Variants in NDNF observed in about 807,000 individuals in gnomAD.
NDNF encodes the protein protein NDNF.
In NDNF, 16 loss-of-function variants were observed where a neutral mutation model predicts 42.0. That is an observed-to-expected ratio of 0.38 (90% confidence interval 0.26 to 0.58). The LOEUF is 0.58. Ranked by LOEUF, NDNF falls within the 20% of genes least tolerant of loss-of-function variation. NDNF has a pLI of 0.67. For synonymous variants in NDNF, 248 were observed against 251.7 expected (o/e 0.99, Z 0.14); for missense variants, 616 against 666.2 (o/e 0.92, Z 0.83).
intron 1 of NDNF, among the ~76,000 whole-genome samples, chr4:121,063,286 C>A (rs1201729503): frequency 1.3e-5 from 2 of 152,322 alleles, no homozygotes; most frequent in East Asian, 1.9e-4. Flanking sequence ...GTTTCAATAT[C>A]ATGGGTTATG....
intron 1 of NDNF, among the ~76,000 whole-genome samples, chr4:121,046,830 A>G (rs566938894): frequency 6.6e-6 from 1 of 152,352 alleles, no homozygotes; most frequent in South Asian, 2.1e-4. Context: ...GGTGTTCCCA[A>G]CAGGAAGCCC....
At chr4:121,062,295 A>G (rs1727426338) in intron 1 of NDNF, among the ~76,000 whole-genome samples, 1 of 152,256 alleles carries the variant, frequency 6.6e-6, no homozygotes, top group South Asian at 2.1e-4. Context: ...ATCTGAGGAC[A>G]TCAACATTGT....
At chr4:121,054,833 A>ATTT (rs1055004532) in intron 1 of NDNF, among the ~76,000 whole-genome samples, 2 of 152,156 alleles carry the variant, frequency 1.3e-5, no homozygotes, top group African/African-American at 4.8e-5. Context: ...GAAGGCCCCC[A>ATTT]TTGCCAACTT....
At chr4:121,050,930 G>A (rs1243270941) in intron 1 of NDNF, among the ~76,000 whole-genome samples, 1 of 152,100 alleles carries the variant, frequency 6.6e-6, no homozygotes, top group Non-Finnish European at 1.5e-5. Context: ...TAACCATATA[G>A]TCTATACTTA....
At chr4:121,061,708 GTATT>G (rs1727412478) in intron 1 of NDNF, among the ~76,000 whole-genome samples, 1 of 151,860 alleles carries the variant, frequency 6.6e-6, no homozygotes. Flanking sequence ...ATTTATTCGT[GTATT>G]TATTCATTTA....
intron 1 of NDNF, among the ~76,000 whole-genome samples, chr4:121,055,342 A>G (rs1727274072): frequency 6.6e-6 from 1 of 152,274 alleles, no homozygotes; most frequent in East Asian, 1.9e-4. Context: ...AATAATGGAA[A>G]AACTGGGGAT....
chr4:121,057,066 C>T lies in NDNF; in HGVS notation c.-1-11228G>A, dbSNP rs536177824. The stretch of plus-strand genomic sequence containing the variant: ...ACAAGATGTGTGAAGATCTTGAGCT[C>T]GTAGAGCTTATACTCAGTGGATAAG... On this transcript the variant is annotated intron_variant, in intron 1 of 3. Transcript: ENST00000379692. Among the ~76,000 whole-genome samples the T allele has an allele frequency of 1.8e-4, 28 of 152,032 alleles. 1 individual carries two copies. In the South Asian group the frequency reaches 5.8e-3, roughly 32 times the overall value.
intron 1 of NDNF, among the ~76,000 whole-genome samples, chr4:121,068,963 C>T (rs1407419958): frequency 1.3e-5 from 2 of 152,062 alleles, no homozygotes. Context: ...AAATTCTGAC[C>T]TCTAGATAGG....
At chr4:121,039,200 A>AAAGAC (rs1170430577) in intron 3 of NDNF, among the ~76,000 whole-genome samples, 1 of 24,038 alleles carries the variant, frequency 4.2e-5, no homozygotes, top group Non-Finnish European at 1.3e-4. Context: ...GTGTATATAT[A>AAAGAC]TATATATATA....
chr4:121,039,116 G>A (rs1437053598), intron 3 of NDNF: 1 of 126,730 alleles, frequency 7.9e-6, no homozygotes, highest in Non-Finnish European at 1.6e-5. Context: ...AGCCTTTGTA[G>A]ATACGTATAC....
At chr4:121,052,974 C>T (rs1465259320) in intron 1 of NDNF, among the ~76,000 whole-genome samples, 4 of 152,140 alleles carry the variant, frequency 2.6e-5, no homozygotes, top group African/African-American at 9.7e-5. Flanking sequence ...TGGTCTCTGG[C>T]ACATGCTAGG....
rs1726860410 is a variant in NDNF, at chr4:121,036,176, T to G, written c.*88A>C. ...TAGTACAAGTACAGGTCACAACTTCTCTCAACTGTGGGAGTAGTCAGTTTA... is the reference window on the plus strand; with the variant it reads ...TAGTACAAGTACAGGTCACAACTTCGCTCAACTGTGGGAGTAGTCAGTTTA... On this transcript the variant is annotated 3_prime_UTR_variant, in exon 4 of 4. Coordinates refer to ENST00000379692, the MANE Select transcript of NDNF (RefSeq NM_024574.4). The G allele has an allele frequency of 2.8e-6, 3 of 1,065,020 alleles. No individual in the cohort carries two copies. Among genetic ancestry groups the G allele is most frequent in the Non-Finnish European group, 4.1e-6 (3 of 727,160 alleles). 66.0% of individuals were successfully genotyped at this position (1,065,020 alleles called of 1,614,324 possible).
chr4:121,064,035 A>C (rs762583597), intron 1 of NDNF, among the ~76,000 whole-genome samples: 3 of 152,244 alleles, frequency 2.0e-5, no homozygotes, highest in South Asian at 2.1e-4. Flanking sequence ...TTTAGGCTAA[A>C]TAAGTGGTAT....
chr4:121,056,271 G>A (rs1017526076), intron 1 of NDNF, among the ~76,000 whole-genome samples: 1 of 152,198 alleles, frequency 6.6e-6, no homozygotes, highest in African/African-American at 2.4e-5. Flanking sequence ...TGAGCTCAGT[G>A]AAGAAAAGAC....
chr4:121,046,738 G>C (rs949176188), intron 1 of NDNF, among the ~76,000 whole-genome samples: 2 of 152,176 alleles, frequency 1.3e-5, no homozygotes, highest in Non-Finnish European at 2.9e-5. Context: ...TTTCATCAAA[G>C]ATCCTCTAAG....
At position 121,072,399 on chromosome 4, in the gene NDNF, C is replaced by G. The variant is rs541437877; in HGVS notation, c.-408G>C. The stretch of plus-strand genomic sequence containing the variant: ...GCGGGGCTGGCGCGGGCTTCGCCGG[C>G]CGCCGCTAGTCGCACAGGCGCCTGG... On this transcript the variant is annotated 5_prime_UTR_variant, in exon 1 of 4. Coordinates refer to ENST00000379692, the MANE Select transcript of NDNF (RefSeq NM_024574.4). The G allele has an allele frequency of 1.3e-5, 2 of 151,436 alleles. No homozygotes were observed. Among genetic ancestry groups the G allele is most frequent in the South Asian group, 4.2e-4 (2 of 4,796 alleles). The allele number at this position is 151,436 out of a possible 1,614,324, so 9.4% of individuals were successfully genotyped here.
intron 2 of NDNF, among the ~76,000 whole-genome samples, chr4:121,043,044 T>C (rs1322144267): frequency 6.6e-6 from 1 of 152,164 alleles, no homozygotes. Context: ...TGAATATACT[T>C]AACAATTTGA....
At position 121,036,929 on chromosome 4, in the gene NDNF, C is replaced by T. The variant is rs1053333921; in HGVS notation, c.1042G>A (p.Gly348Arg). The change falls in exon 4 of 4, where the codon GGG becomes AGG. Residue 348 changes from glycine to arginine, a missense_variant. Gly to Arg is a moderately radical substitution (Grantham distance 125). Transcript: ENST00000379692. ...AKQKTVELKD[G>R]KITDVFVKRK... Reference sequence around the variant, plus strand: ...TTAACAAATACATCTGTTATCTTCCCATCTTTTAGCTCGACTGTCTTCTGT... The same window carrying T: ...TTAACAAATACATCTGTTATCTTCCTATCTTTTAGCTCGACTGTCTTCTGT... The T allele has an allele frequency of 3.3e-5, 53 of 1,613,764 alleles. No homozygotes were observed. Among genetic ancestry groups the T allele is most frequent in the Non-Finnish European group, 4.1e-5 (48 of 1,180,004 alleles).
intron 1 of NDNF, among the ~76,000 whole-genome samples, chr4:121,058,568 A>G (rs564452410): frequency 6.6e-6 from 1 of 152,300 alleles, no homozygotes; most frequent in East Asian, 1.9e-4. Flanking sequence ...TGAAGCATAA[A>G]CGAAGATGCT....
Sources: allele counts gnomAD v4.1 joint callset (sites outside exome capture counted in the v4.1 genomes callset), GRCh38; gene constraint gnomAD v4.1.1; transcripts MANE v1.5; gene names NCBI Gene and HGNC (gene_info 2026-07-23, HGNC 2026-07-21).